Variants in TTC7B observed in about 807,000 individuals in gnomAD.
TTC7B encodes the protein tetratricopeptide repeat protein 7B.
In TTC7B, 28 loss-of-function variants were observed where a neutral mutation model predicts 106.8. That is an observed-to-expected ratio of 0.26 (90% CI 0.19 to 0.36). The LOEUF (loss-of-function observed/expected upper bound fraction) is 0.36, where lower values mean the gene tolerates loss of function less well. TTC7B is among the 10% of genes least tolerant of loss of function. The pLI is 1.00. For missense variants in TTC7B, 862 were observed against 1,076.4 expected (o/e 0.80, Z 2.79); for synonymous variants, 405 against 430.6 (o/e 0.94, Z 0.74).
At chr14:90,738,305 C>T (rs570321480) in intron 4 of TTC7B, among the ~76,000 whole-genome samples, 1 of 152,084 alleles carries the variant, frequency 6.6e-6, no homozygotes, top group Non-Finnish European at 1.5e-5. Context: ...CCCATACAGC[C>T]ATAGGTAGAG....
intron 5 of TTC7B, among the ~76,000 whole-genome samples, chr14:90,725,338 T>C (rs1353043168): frequency 2.0e-5 from 3 of 152,156 alleles, no homozygotes; most frequent in African/African-American, 7.2e-5. Flanking sequence ...TGGGAGCCTG[T>C]CTGCTGCTGC....
intron 5 of TTC7B, among the ~76,000 whole-genome samples, chr14:90,710,929 A>AT (rs199840401): frequency 0.33 from 50,348 of 151,830 alleles, 8,611 homozygotes; most frequent in Middle Eastern, 0.38. Context: ...TCTCTGAGGT[A>AT]GGTATTCAAA....
At chr14:90,696,252 C>T (rs1264742302) in intron 5 of TTC7B, among the ~76,000 whole-genome samples, 1 of 152,120 alleles carries the variant, frequency 6.6e-6, no homozygotes, top group African/African-American at 2.4e-5. Flanking sequence ...CATTTGGTGA[C>T]ATGTTTCATT....
intron 5 of TTC7B, among the ~76,000 whole-genome samples, 155 bp from the exon 6 acceptor site, chr14:90,695,733 T>G (rs1462243495): frequency 6.6e-6 from 1 of 152,224 alleles, no homozygotes; most frequent in African/African-American, 2.4e-5. Flanking sequence ...TTTGGTTAAA[T>G]GAAACATTTG....
At chr14:90,775,586 C>T (rs976244085) in intron 3 of TTC7B, among the ~76,000 whole-genome samples, 1 of 152,080 alleles carries the variant, frequency 6.6e-6, no homozygotes, top group African/African-American at 2.4e-5. Context: ...ACCTGGGCAC[C>T]TCCTCCTGGG....
chr14:90,683,248 T>C (rs1171668022), intron 7 of TTC7B, among the ~76,000 whole-genome samples: 2 of 152,156 alleles, frequency 1.3e-5, no homozygotes, highest in Non-Finnish European at 2.9e-5. Flanking sequence ...AGAAAGTTGA[T>C]TTGTAAATAA....
chr14:90,562,375 C>T (rs1261767821), intron 19 of TTC7B, among the ~76,000 whole-genome samples: 2 of 152,240 alleles, frequency 1.3e-5, no homozygotes, highest in South Asian at 2.1e-4. Context: ...CCACCTTGGA[C>T]TGTCAACGTG....
intron 4 of TTC7B, among the ~76,000 whole-genome samples, chr14:90,741,125 G>A (rs1008014706): frequency 1.3e-5 from 2 of 152,126 alleles, no homozygotes; most frequent in South Asian, 4.1e-4. Flanking sequence ...TCACTCACCC[G>A]CAGTGCTCTG....
intron 2 of TTC7B, among the ~76,000 whole-genome samples, chr14:90,784,657 C>G (rs1858931956): frequency 6.6e-6 from 1 of 152,140 alleles, no homozygotes; most frequent in South Asian, 2.1e-4. Flanking sequence ...CTGCCACACA[C>G]CAAAGTGTGG....
chr14:90,617,973 G>C lies in TTC7B; in HGVS notation c.1824C>G (p.His608Gln), dbSNP rs1282368556. Reference protein sequence around the residue: ...GPDEALLTCKHMLQIWKSCYN... With the variant: ...GPDEALLTCKQMLQIWKSCYN... The stretch of plus-strand genomic sequence containing the variant: ...AGCAGGATTTCCATATCTGCAGCAT[G>C]TGCTTACAAGTCAGCAGTGCCTCGT... Residue 608 changes from histidine to glutamine, a missense_variant, in exon 16 of 20, where the codon CAC becomes CAG. By Grantham distance (24) the His-to-Gln change is conservative. Transcript: ENST00000328459. 7 of 1,613,884 alleles carry C rather than the reference G, an allele frequency of 4.3e-6. No homozygotes were observed.
rs1885974985 is a variant in TTC7B at position 90,657,022 on chromosome 14, G to A, written c.1341+152C>T. The A allele has an allele frequency of 1.5e-6, 1 of 655,052 alleles. No homozygotes were observed. The highest frequency in any genetic ancestry group is 3.0e-5 in the Admixed American group (1 of 33,634). The allele number at this position is 655,052 out of a possible 1,614,324, so 40.6% of individuals were successfully genotyped here. A position where few individuals can be genotyped will look rare whatever the true frequency, so the allele number is the denominator to read the frequency against. ...TGGATGAGGCCTGAGGAGGCCAGGG[G>A]CCCAGGCCCAGGGTCCGTGGCTCTA... On this transcript the variant is annotated intron_variant, in intron 11 of 19. Coordinates refer to ENST00000328459, the MANE Select transcript of TTC7B (RefSeq NM_001010854.2). This position sits in a 1 kb window ranked among gnomAD's most constrained non-coding sequence, Gnocchi z 4.2.
chr14:90,557,704 G>C (rs1281134146), intron 19 of TTC7B, among the ~76,000 whole-genome samples: 1 of 152,236 alleles, frequency 6.6e-6, no homozygotes, highest in Non-Finnish European at 1.5e-5. Flanking sequence ...CCTATGCTCG[G>C]GGGGAGAGGG....
In TTC7B at chr14:90,644,165, T is replaced by C; in HGVS notation, c.1634A>G (p.Gln545Arg). The change falls in exon 15 of 20, where the codon CAA becomes CGA. Residue 545 changes from glutamine (Q) to arginine (R), a missense_variant. Transcript: ENST00000328459. ...LGYVRQALQL[Q>R]GDDANSLHLL... is the part of the protein sequence containing the mutation. The stretch of plus-strand genomic sequence containing the variant: ...GTGCAGGGAGTTGGCATCGTCACCT[T>C]GAAGCTGAAGAGCTTGGCGGACATA... 1 of 1,612,366 alleles carries C rather than the reference T, an allele frequency of 6.2e-7. No homozygotes were observed. The highest frequency in any genetic ancestry group is 1.1e-5 in the South Asian group (1 of 90,862).
chr14:90,568,354 G>A (rs1295257641), intron 19 of TTC7B, among the ~76,000 whole-genome samples: 4 of 152,190 alleles, frequency 2.6e-5, no homozygotes, highest in South Asian at 2.1e-4. Flanking sequence ...CTGAAATAAC[G>A]GGGCAGAATT....
chr14:90,547,005 C>G (rs898898531), intron 19 of TTC7B, among the ~76,000 whole-genome samples: 4 of 152,212 alleles, frequency 2.6e-5, no homozygotes, highest in African/African-American at 2.4e-5. Flanking sequence ...GGGCCCTCTC[C>G]CCTCCCCTGT....
chr14:90,749,139 C>CT (rs938022849), intron 3 of TTC7B, among the ~76,000 whole-genome samples: 2 of 152,068 alleles, frequency 1.3e-5, no homozygotes, highest in Non-Finnish European at 2.9e-5. Flanking sequence ...TATAATATGT[C>CT]TTTTTTCCTG....
chr14:90,542,008 T>C (rs7155237), intron 19 of TTC7B, among the ~76,000 whole-genome samples: 3,354 of 152,234 alleles, frequency 0.022, 119 homozygotes, highest in African/African-American at 0.072. Context: ...GGCGCGATCT[T>C]GGCTCACTGC....
chr14:90,669,936 C>T (rs1886568400), intron 9 of TTC7B, among the ~76,000 whole-genome samples: 3 of 152,060 alleles, frequency 2.0e-5, no homozygotes, highest in Admixed American at 2.0e-4. Context: ...AGGTGCAAAC[C>T]CAAAAGAACT....
chr14:90,777,803 G>A (rs557630810), intron 3 of TTC7B, among the ~76,000 whole-genome samples: 11 of 152,326 alleles, frequency 7.2e-5, no homozygotes, highest in South Asian at 2.1e-4. Context: ...AATTGGGCCC[G>A]CAATTGCCCT....
Sources: allele counts gnomAD v4.1 joint callset (sites outside exome capture counted in the v4.1 genomes callset), GRCh38; gene constraint gnomAD v4.1.1; non-coding constraint Gnocchi (gnomAD v3.1); transcripts MANE v1.5; gene names NCBI Gene and HGNC (gene_info 2026-07-23, HGNC 2026-07-21).